The following FGF14 variants were observed in gnomAD, a reference collection of about 807,000 sequenced individuals.
FGF14 encodes fibroblast growth factor 14.
FGF14 carries 5 observed loss-of-function variants against 25.5 expected under a neutral mutation model. The observed-to-expected ratio is 0.20, with a 90% CI of 0.10 to 0.41. The LOEUF (loss-of-function observed/expected upper bound fraction) is 0.41. Ranked by LOEUF, FGF14 falls within the 10% of genes least tolerant of loss-of-function variation. The pLI is 1.00. For synonymous variants in FGF14, 138 were observed against 118.3 expected (o/e 1.17, Z -1.08); for missense variants, 222 against 320.1 (o/e 0.69, Z 2.34).
At chr13:101,765,693 C>T (rs1005108507) in intron 3 of FGF14, among the ~76,000 whole-genome samples, 2 of 150,166 alleles carry the variant, frequency 1.3e-5, no homozygotes, top group African/African-American at 4.9e-5. Flanking sequence ...ATATAGAAGC[C>T]TTTTATTTAT....
At chr13:102,003,879 G>A (rs2039641867) in intron 1 of FGF14, among the ~76,000 whole-genome samples, 1 of 152,050 alleles carries the variant, frequency 6.6e-6, no homozygotes, top group Middle Eastern at 3.2e-3. Context: ...AACTTTATAA[G>A]GAAATCGAAG....
intron 1 of FGF14, among the ~76,000 whole-genome samples, chr13:102,195,714 C>T (rs1239398886): frequency 6.6e-6 from 1 of 151,012 alleles, no homozygotes; most frequent in African/African-American, 2.4e-5. Context: ...ATCACTTAAG[C>T]CCAGGAAGCA....
intron 1 of FGF14, among the ~76,000 whole-genome samples, chr13:101,980,702 A>G (rs2038197113): frequency 6.6e-6 from 1 of 152,220 alleles, no homozygotes; most frequent in African/African-American, 2.4e-5. Context: ...CCAACAAGCC[A>G]TCAGGGAGGG....
chr13:102,147,243 G>A (rs906354756), intron 1 of FGF14, among the ~76,000 whole-genome samples: 8 of 152,208 alleles, frequency 5.3e-5, no homozygotes, highest in Non-Finnish European at 1.5e-5. Flanking sequence ...GACCCAGGGA[G>A]CCTGGAAGCA....
intron 1 of FGF14, among the ~76,000 whole-genome samples, chr13:102,142,308 A>G (rs866835760): frequency 1.3e-5 from 2 of 152,060 alleles, no homozygotes; most frequent in African/African-American, 4.8e-5. Flanking sequence ...TAAAAATAGG[A>G]TATGATTTGG....
intron 1 of FGF14, among the ~76,000 whole-genome samples, chr13:102,333,367 C>T (rs2138849683): frequency 6.6e-6 from 1 of 152,162 alleles, no homozygotes; most frequent in East Asian, 1.9e-4. Context: ...GGTCTTTATT[C>T]CAAATAAAAG....
intron 3 of FGF14, among the ~76,000 whole-genome samples, chr13:101,756,784 T>C (rs1333705901): frequency 6.6e-6 from 1 of 152,098 alleles, no homozygotes; most frequent in Non-Finnish European, 1.5e-5. Context: ...AAAACTGTCC[T>C]AGAAAAGAAG....
At chr13:102,277,899 T>C (rs2053625475) in intron 1 of FGF14, among the ~76,000 whole-genome samples, 2 of 152,258 alleles carry the variant, frequency 1.3e-5, no homozygotes, top group African/African-American at 4.8e-5. Flanking sequence ...CAAGTCATTA[T>C]TACCTGTATT....
At chr13:102,328,488 C>T (rs2056532338) in intron 1 of FGF14, among the ~76,000 whole-genome samples, 1 of 152,210 alleles carries the variant, frequency 6.6e-6, no homozygotes, top group South Asian at 2.1e-4. Flanking sequence ...AGGTTTCTAT[C>T]CTCCTTGTAG....
At position 101,900,738 on chromosome 13, in the gene FGF14, C is replaced by T. The variant is rs578052425; in HGVS notation, c.193+15715G>A. Among the ~76,000 whole-genome samples the T allele has an allele frequency of 8.6e-4, 131 of 152,028 alleles. 1 individual carries two copies. Among genetic ancestry groups the T allele is most frequent in the African/African-American group, 2.9e-3 (121 of 41,468 alleles). ...GCCGGGTAGTGCTCTATTCTTGATCCGCATGGTCTTCACACAAGTGTATTT... is the reference window on the plus strand; with the variant it reads ...GCCGGGTAGTGCTCTATTCTTGATCTGCATGGTCTTCACACAAGTGTATTT... On this transcript the variant is annotated intron_variant, in intron 1 of 4. Coordinates refer to ENST00000376143, the MANE Select transcript of FGF14 (RefSeq NM_004115.4).
At chr13:102,336,587 G>A (rs2138869690) in intron 1 of FGF14, among the ~76,000 whole-genome samples, 1 of 152,258 alleles carries the variant, frequency 6.6e-6, no homozygotes, top group East Asian at 1.9e-4. Flanking sequence ...ATTGATGAAC[G>A]TGTCTACACT....
intron 3 of FGF14, among the ~76,000 whole-genome samples, chr13:101,847,967 T>C (rs183154057): frequency 6.6e-6 from 1 of 152,122 alleles, no homozygotes; most frequent in African/African-American, 2.4e-5. Flanking sequence ...AAACAACCAG[T>C]ATTAAATGTG....
chr13:102,132,193 G>A (rs2046227644), intron 1 of FGF14, among the ~76,000 whole-genome samples: 1 of 152,172 alleles, frequency 6.6e-6, no homozygotes, highest in Non-Finnish European at 1.5e-5. Flanking sequence ...GAGAGGAATT[G>A]TGAAATATAC....
At chr13:102,204,347 A>G (rs113280597) in intron 1 of FGF14, among the ~76,000 whole-genome samples, 1,522 of 152,170 alleles carry the variant, frequency 0.01, 28 homozygotes, top group African/African-American at 0.033. Flanking sequence ...TCAGATATCT[A>G]AGCTACGATT....
intron 1 of FGF14, among the ~76,000 whole-genome samples, chr13:102,005,773 G>C (rs991018945): frequency 6.6e-6 from 1 of 152,126 alleles, no homozygotes; most frequent in African/African-American, 2.4e-5. Context: ...TACTATTCCT[G>C]ATATAATTTG....
At chr13:102,058,019 T>C (rs55888732) in intron 1 of FGF14, among the ~76,000 whole-genome samples, 3,351 of 152,258 alleles carry the variant, frequency 0.022, 118 homozygotes, top group African/African-American at 0.074. Context: ...AACATGTAAT[T>C]TGCTAAGAAC....
intron 3 of FGF14, among the ~76,000 whole-genome samples, chr13:101,867,222 A>G (rs915492933): frequency 2.0e-5 from 3 of 152,206 alleles, no homozygotes; most frequent in Admixed American, 2.0e-4. Flanking sequence ...TGCACCAAGC[A>G]TAATCAATAC....
At chr13:102,174,213 C>A (rs1448123936) in intron 1 of FGF14, among the ~76,000 whole-genome samples, 8 of 151,206 alleles carry the variant, frequency 5.3e-5, no homozygotes, top group South Asian at 2.1e-4. Context: ...CGGCTCACTG[C>A]AACCTCTGTC....
intron 1 of FGF14, among the ~76,000 whole-genome samples, chr13:102,308,773 C>A (rs2893086): frequency 1.3e-5 from 2 of 151,754 alleles, no homozygotes; most frequent in Non-Finnish European, 2.9e-5. Context: ...TGCCCTCACA[C>A]AAGAGAGTGG....
Sources: gnomAD v4.1 joint callset for allele counts (sites outside exome capture counted in the v4.1 genomes callset) on GRCh38, gnomAD v4.1.1 for gene constraint, MANE v1.5 for transcripts, NCBI Gene and HGNC (gene_info 2026-07-23, HGNC 2026-07-21) for gene names.